Variants in DIP2C observed in about 807,000 individuals in gnomAD.
The protein encoded by DIP2C is disco-interacting protein 2 homolog C.
A neutral mutation model predicts 192.4 loss-of-function variants in DIP2C; 33 were observed. The observed-to-expected ratio is 0.17, with a 90% CI of 0.13 to 0.23. The LOEUF (loss-of-function observed/expected upper bound fraction) is 0.23. DIP2C is among the 10% of genes least tolerant of loss of function. DIP2C has a pLI of 1.00. For synonymous variants in DIP2C, 979 were observed against 864.1 expected (o/e 1.13, Z -2.33); for missense variants, 1,537 against 2,110.1 (o/e 0.73, Z 5.32).
At chr10:424,186 G>C (rs778341466) in intron 4 of DIP2C, among the ~76,000 whole-genome samples, 1 of 151,998 alleles carries the variant, frequency 6.6e-6, no homozygotes, top group African/African-American at 2.4e-5. Flanking sequence ...GAGAAGTCAC[G>C]GCAAATAATC....
chr10:671,084 C>A (rs764118693), intron 1 of DIP2C, among the ~76,000 whole-genome samples: 3 of 152,224 alleles, frequency 2.0e-5, no homozygotes, highest in Non-Finnish European at 4.4e-5. Flanking sequence ...CCCCTCAGAC[C>A]GAGGGCTCCG....
intron 2 of DIP2C, among the ~76,000 whole-genome samples, chr10:478,595 G>A (rs964783710): frequency 1.3e-5 from 2 of 151,022 alleles, no homozygotes; most frequent in African/African-American, 2.4e-5. Flanking sequence ...GTGTCCGGGC[G>A]TGCTGGGGCT....
intron 2 of DIP2C, among the ~76,000 whole-genome samples, chr10:473,516 C>T (rs1450869129): frequency 1.3e-5 from 2 of 151,534 alleles, no homozygotes; most frequent in Non-Finnish European, 2.9e-5. Flanking sequence ...CCCACAGCTC[C>T]GTGAACGGCT....
intron 1 of DIP2C, among the ~76,000 whole-genome samples, chr10:576,168 G>A (rs533332790): frequency 2.0e-5 from 3 of 152,338 alleles, no homozygotes; most frequent in South Asian, 2.1e-4. Flanking sequence ...CAAGCAGAAT[G>A]TCACATGTCC....
chr10:357,772 G>T, intron 23 of DIP2C, 56 bp downstream of exon 23: 1 of 1,373,054 alleles, frequency 7.3e-7, no homozygotes, highest in South Asian at 1.2e-5. Flanking sequence ...GCAGATGGTC[G>T]GGGACAGTCG....
chr10:554,827 GCA>G (rs1270674440), intron 1 of DIP2C, among the ~76,000 whole-genome samples: 3 of 152,154 alleles, frequency 2.0e-5, no homozygotes, highest in African/African-American at 4.8e-5. Context: ...TGAAACCTGG[GCA>G]CAGAGTCACA....
At chr10:383,844 G>A (rs1259503563) in intron 16 of DIP2C, among the ~76,000 whole-genome samples, 183 bp downstream of exon 16, 1 of 151,296 alleles carries the variant, frequency 6.6e-6, no homozygotes, top group Non-Finnish European at 1.5e-5. Flanking sequence ...AGTGATTACT[G>A]TTTGGTGATT....
intron 1 of DIP2C, among the ~76,000 whole-genome samples, chr10:496,181 T>TC (rs1329981618): frequency 1.4e-5 from 2 of 142,534 alleles, no homozygotes; most frequent in Non-Finnish European, 3.0e-5. Flanking sequence ...CACGGTGCCC[T>TC]CCCATGTACT....
At chr10:406,251 C>T (rs952490830) in intron 9 of DIP2C, among the ~76,000 whole-genome samples, 3 of 152,336 alleles carry the variant, frequency 2.0e-5, no homozygotes, top group African/African-American at 4.8e-5. Context: ...ACAAAATTTA[C>T]GATTCTAACA....
chr10:563,611 T>C (rs1849323619), intron 1 of DIP2C, among the ~76,000 whole-genome samples: 1 of 151,992 alleles, frequency 6.6e-6, no homozygotes, highest in African/African-American at 2.4e-5. Flanking sequence ...TTCACAACAA[T>C]GAAAATGAAA....
rs375373612 is a variant in DIP2C at position 319,606 on chromosome 10, AAAT to A, written c.3924+7397_3924+7399del. Among the ~76,000 whole-genome samples, 93 of 152,332 alleles carry A rather than the reference AAAT, an allele frequency of 6.1e-4. No homozygotes were observed. The East Asian group carries it at 6.9e-3, about 11-fold the overall frequency. Reference sequence around the variant, plus strand: ...TTGTGGCTGTGAGAAATATATTTCCAAATAATAAGTGACACCTTCTAATAATAC... The same window carrying A: ...TTGTGGCTGTGAGAAATATATTTCCAAATAAGTGACACCTTCTAATAATAC... On this transcript the variant is annotated intron_variant, in intron 31 of 36. Coordinates refer to ENST00000280886, the MANE Select transcript of DIP2C (RefSeq NM_014974.3).
In DIP2C at chr10:304,554, TGC is replaced by T. The variant is rs200336323; in HGVS notation, c.3986+5475_3986+5476del. Among the ~76,000 whole-genome samples, 11 of 16,206 alleles carry T rather than the reference TGC, an allele frequency of 6.8e-4. No individual in the cohort carries two copies. In the Admixed American group the frequency reaches 0.013, roughly 19 times the overall value. 10.6% of individuals were successfully genotyped at this position (16,206 alleles called of 152,430 possible). On this transcript the variant is annotated intron_variant, in intron 32 of 36. Coordinates refer to ENST00000280886, the MANE Select transcript of DIP2C (RefSeq NM_014974.3). ...GTACACATGTATGTATGCACACGAA[TGC>T]ACACACACACACACACACTTCCACA... is the stretch of plus-strand genomic sequence containing the variant.
Position 390,842 on chromosome 10 carries a change from C to G in DIP2C, c.1282G>C (p.Gly428Arg). Residue 428 changes from glycine to arginine, a missense_variant, in exon 11 of 37, where the codon GGT becomes CGT. Gly to Arg is a moderately radical substitution (Grantham distance 125, BLOSUM62 -2). Around this residue, in one of 4 missense-constraint regions of DIP2C, gnomAD observed 677 missense variants for 989.9 expected, o/e 0.68. Coordinates refer to ENST00000280886, the MANE Select transcript of DIP2C (RefSeq NM_014974.3). The stretch of plus-strand genomic sequence containing the variant: ...ACTCCACAGCTTCCAAGCAAGAAAC[C>G]TATCTGCTGGCTCCCTGCGTCCTGA... ...TRKDAGSQQIGFLLGSCGVTV... is the reference protein window; with the variant it reads ...TRKDAGSQQIRFLLGSCGVTV... The G allele has an allele frequency of 6.2e-7, 1 of 1,614,124 alleles. No individual in the cohort carries two copies. Among genetic ancestry groups the G allele is most frequent in the Non-Finnish European group, 8.5e-7 (1 of 1,180,014 alleles).
At chr10:613,007 CT>C (rs1224196270) in intron 1 of DIP2C, among the ~76,000 whole-genome samples, 1 of 152,176 alleles carries the variant, frequency 6.6e-6, no homozygotes, top group Non-Finnish European at 1.5e-5. Flanking sequence ...TGACCACGTT[CT>C]TTCCTGCAGT....
chr10:674,829 G>GAGAC (rs1467929602), intron 1 of DIP2C, among the ~76,000 whole-genome samples: 3 of 142,938 alleles, frequency 2.1e-5, no homozygotes, highest in East Asian at 4.1e-4. Flanking sequence ...GAGAGAGAGA[G>GAGAC]ACCAACACAA....
At chr10:628,167 G>C (rs969524585) in intron 1 of DIP2C, among the ~76,000 whole-genome samples, 2 of 152,180 alleles carry the variant, frequency 1.3e-5, no homozygotes, top group Non-Finnish European at 2.9e-5. Flanking sequence ...CTAAGTAGCA[G>C]ATTAGGATTC....
At chr10:509,376 G>T (rs2130760163) in intron 1 of DIP2C, among the ~76,000 whole-genome samples, 1 of 152,332 alleles carries the variant, frequency 6.6e-6, no homozygotes, top group East Asian at 1.9e-4. Context: ...AAGTATGTGA[G>T]CAGCTGGGAT....
intron 31 of DIP2C, among the ~76,000 whole-genome samples, chr10:313,990 G>A (rs368709512): frequency 9.9e-5 from 15 of 152,144 alleles, no homozygotes; most frequent in Non-Finnish European, 1.3e-4. Flanking sequence ...GTGAAAGAAC[G>A]AACAAACTCC....
intron 1 of DIP2C, among the ~76,000 whole-genome samples, chr10:672,109 GCACGGAGGGAGGAAACGTCATAGACA>G (rs1351687114): frequency 1.4e-5 from 2 of 147,060 alleles, no homozygotes; most frequent in Non-Finnish European, 3.0e-5. Context: ...GGCCACAGAC[GCACGGAGGGAGGAAACGTCATAGACA>G]CATGGACGGA....
Sources: allele counts gnomAD v4.1 joint callset (sites outside exome capture counted in the v4.1 genomes callset), GRCh38; gene constraint gnomAD v4.1.1; regional missense constraint gnomAD v4.1.1; transcripts MANE v1.5; gene names NCBI Gene and HGNC (gene_info 2026-07-23, HGNC 2026-07-21).